Variants in ABR observed in about 807,000 individuals in gnomAD.
The protein encoded by ABR is active breakpoint cluster region-related protein.
Under a neutral mutation model 107.2 loss-of-function variants are expected in ABR, and 35 were observed. The observed-to-expected ratio is 0.33, with a 90% CI of 0.25 to 0.43. The LOEUF is 0.43. Among genes scored for constraint, ABR ranks in the 20% least tolerant of loss-of-function variants. The pLI is 1.00. For missense variants in ABR, 815 were observed against 1,115.2 expected (o/e 0.73, Z 3.83); for synonymous variants, 498 against 462.0 (o/e 1.08, Z -1.00).
chr17:1,076,409 T>C lies in ABR; in HGVS notation c.701-2732A>G, dbSNP rs371085634. Among the ~76,000 whole-genome samples, 63 of 152,056 alleles carry C rather than the reference T, an allele frequency of 4.1e-4. 1 individual carries two copies. The East Asian group carries it at 9.0e-3, about 22-fold the overall frequency. ...AGGCACCCACCTGTGGCTCAGCCCA[T>C]CTTCAGGGGGAAAAAATCACACTGG... On this transcript the variant is annotated intron_variant, in intron 6 of 22. Transcript: ENST00000302538.
At chr17:1,124,807 G>A (rs1283503471) in intron 2 of ABR, among the ~76,000 whole-genome samples, 2 of 152,158 alleles carry the variant, frequency 1.3e-5, no homozygotes, top group African/African-American at 2.4e-5. Flanking sequence ...TGGAGCCCAC[G>A]GGCCACGCAT....
intron 1 of ABR, among the ~76,000 whole-genome samples, chr17:1,221,197 A>G (rs2043114276): frequency 6.6e-6 from 1 of 152,194 alleles, no homozygotes; most frequent in African/African-American, 2.4e-5. Context: ...TGAGGTGGCC[A>G]TACACCCAGA....
intron 1 of ABR, among the ~76,000 whole-genome samples, chr17:1,227,954 C>G (rs1327209873): frequency 6.6e-6 from 1 of 152,196 alleles, no homozygotes; most frequent in African/African-American, 2.4e-5. Context: ...TCAAAGATGA[C>G]TAAGATCAGG....
At chr17:1,083,740 A>T in intron 4 of ABR, 113 bp from the exon 5 acceptor site, 1 of 846,936 alleles carries the variant, frequency 1.2e-6, no homozygotes, top group Non-Finnish European at 2.0e-6. Flanking sequence ...AAAACCTCTC[A>T]CTCAGCTCGT....
chr17:1,115,894 T>G (rs1165941660), intron 2 of ABR, among the ~76,000 whole-genome samples: 3 of 149,450 alleles, frequency 2.0e-5, no homozygotes, highest in African/African-American at 7.4e-5. Flanking sequence ...ACCACTGCAC[T>G]CCAGCCTGGG....
rs900636061 is a variant in ABR at position 1,058,972 on chromosome 17, T to C, written c.1183-105A>G. 5.4e-6 allele frequency: 8 copies of C among 1,492,924 alleles called. No homozygotes were observed. In the African/African-American group the frequency reaches 8.4e-5, roughly 16 times the overall value. The allele number at this position is 1,492,924 out of a possible 1,614,324, so 92.5% of individuals were successfully genotyped here. On this transcript the variant is annotated intron_variant, in intron 10 of 22. Coordinates refer to ENST00000302538, the MANE Select transcript of ABR (RefSeq NM_021962.5). ...GTGTGTTAACATGCTCTTTACATTT[T>C]CCGTATTTCGTGATGTTTTGACATC...
chr17:1,175,984 G>A (rs529164154), intron 1 of ABR, among the ~76,000 whole-genome samples: 9 of 152,180 alleles, frequency 5.9e-5, no homozygotes, highest in East Asian at 3.9e-4. Flanking sequence ...CCAGCTACTC[G>A]GGAGGCTGAG....
upstream of ABR, among the ~76,000 whole-genome samples, chr17:1,184,048 T>C (rs1238327871): frequency 6.6e-6 from 1 of 151,056 alleles, no homozygotes; most frequent in Non-Finnish European, 1.5e-5. Flanking sequence ...CCGTCTCTAC[T>C]AAAAACACAA....
At chr17:1,208,317 A>C (rs2042835089) in intron 1 of ABR, among the ~76,000 whole-genome samples, 2 of 152,194 alleles carry the variant, frequency 1.3e-5, no homozygotes, top group African/African-American at 4.8e-5. Flanking sequence ...CAGGAGCAGC[A>C]ACGCAGGGCA....
chr17:1,112,434 G>T (rs965787814), intron 2 of ABR, among the ~76,000 whole-genome samples: 1 of 152,230 alleles, frequency 6.6e-6, no homozygotes, highest in East Asian at 1.9e-4. Flanking sequence ...GAAAGGAAAG[G>T]GTTAAGCAGC....
chr17:1,162,755 CG>C (rs2041354811), intron 1 of ABR, among the ~76,000 whole-genome samples: 1 of 147,364 alleles, frequency 6.8e-6, no homozygotes, highest in African/African-American at 2.5e-5. Context: ...CCAAGCACCC[CG>C]GCTCACACCT....
intron 1 of ABR, among the ~76,000 whole-genome samples, chr17:1,136,198 AATCTG>A (rs747092423): frequency 2.2e-4 from 34 of 152,116 alleles, no homozygotes; most frequent in Non-Finnish European, 4.9e-4. Context: ...CTACATTGAA[AATCTG>A]ATCTGTTTTG....
rs2069864523 is a variant in ABR at position 1,004,340 on chromosome 17, T to G, written c.*1740A>C. On this transcript the variant is annotated 3_prime_UTR_variant, in exon 23 of 23. Coordinates refer to ENST00000302538, the MANE Select transcript of ABR (RefSeq NM_021962.5). ...CCTCCGTGCACAGAGTATTTACTGT[T>G]CTGCCCAAGGCCACAGGAGTAAACA... 1 of 152,484 alleles carries G rather than the reference T, an allele frequency of 6.6e-6. No homozygotes were observed. The allele number at this position is 152,484 out of a possible 1,614,324, so 9.4% of individuals were successfully genotyped here.
chr17:1,175,343 C>T (rs1198142212), intron 1 of ABR, among the ~76,000 whole-genome samples: 5 of 151,986 alleles, frequency 3.3e-5, no homozygotes, highest in Non-Finnish European at 5.9e-5. Context: ...ACCGGGGAGG[C>T]GGAGGTTGCA....
At chr17:1,213,115 C>T (rs8079055) in intron 1 of ABR, among the ~76,000 whole-genome samples, 145,746 of 152,276 alleles carry the variant, frequency 0.96, 70,065 homozygotes, top group East Asian at 1. Flanking sequence ...AGCCCAGAAA[C>T]GAAAGCTGGT....
intron 16 of ABR, chr17:1,031,954 GGCTGCAGCCCAGGCTGAGC>G (rs1567615226): frequency 3.5e-6 from 3 of 861,888 alleles, no homozygotes; most frequent in Admixed American, 5.4e-5. Context: ...CCCTCCGCGA[GGCTGCAGCCCAGGCTGAGC>G]GCCGCCTCCC....
chr17:1,208,520 G>C (rs1396270074), intron 1 of ABR, among the ~76,000 whole-genome samples: 1 of 152,194 alleles, frequency 6.6e-6, no homozygotes, highest in East Asian at 1.9e-4. Flanking sequence ...AATGAGATTC[G>C]AGTTCTCTGC....
intron 1 of ABR, among the ~76,000 whole-genome samples, chr17:1,153,412 G>A (rs544729001): frequency 3.4e-4 from 50 of 148,676 alleles, no homozygotes; most frequent in East Asian, 3.0e-3. Flanking sequence ...CGGGAGGGCT[G>A]GGGGTCCAGG....
intron 4 of ABR, among the ~76,000 whole-genome samples, chr17:1,085,093 C>T (rs956582913): frequency 6.7e-5 from 10 of 150,088 alleles, no homozygotes; most frequent in East Asian, 2.0e-4. Context: ...TGAGCCACTG[C>T]GCCCGGCCAA....
Sources: allele counts gnomAD v4.1 joint callset (sites outside exome capture counted in the v4.1 genomes callset), GRCh38; gene constraint gnomAD v4.1.1; transcripts MANE v1.5; gene names NCBI Gene and HGNC (gene_info 2026-07-23, HGNC 2026-07-21).